ASAP2: variants seen among roughly 807,000 people sequenced by gnomAD.
ASAP2 encodes the protein ArfGAP with SH3 domain, ankyrin repeat and PH domain 2, also known as arf-GAP with SH3 domain, ANK repeat and PH domain-containing protein 2.
ASAP2 carries 45 observed loss-of-function variants against 131.4 expected under a neutral mutation model. The ratio of observed to expected loss-of-function variants is 0.34; its 90% confidence interval spans 0.27 to 0.44. The LOEUF (loss-of-function observed/expected upper bound fraction) is 0.44. ASAP2 is among the 20% of genes least tolerant of loss of function. ASAP2 has a pLI of 1.00. For missense variants in ASAP2, 1,011 were observed against 1,297.0 expected (o/e 0.78, Z 3.39); for synonymous variants, 510 against 503.0 (o/e 1.01, Z -0.19).
At chr2:9,370,665 G>A (rs529301677) in intron 16 of ASAP2, among the ~76,000 whole-genome samples, 1 of 152,298 alleles carries the variant, frequency 6.6e-6, no homozygotes, top group East Asian at 1.9e-4. Flanking sequence ...CAGACATGTG[G>A]TGCTTAGTTT....
intron 1 of ASAP2, among the ~76,000 whole-genome samples, chr2:9,276,141 C>T (rs1414574728): frequency 6.6e-6 from 1 of 152,198 alleles, no homozygotes; most frequent in South Asian, 2.1e-4. Flanking sequence ...TTTTCCTCAC[C>T]ATTGTGTCAG....
At chr2:9,322,759 A>G (rs1047632023) in intron 5 of ASAP2, among the ~76,000 whole-genome samples, 1 of 152,192 alleles carries the variant, frequency 6.6e-6, no homozygotes, top group African/African-American at 2.4e-5. Context: ...GAGGAAGTCC[A>G]GGAGGAGAAA....
chr2:9,264,612 T>G (rs974029515), intron 1 of ASAP2, among the ~76,000 whole-genome samples: 3 of 152,160 alleles, frequency 2.0e-5, no homozygotes, highest in African/African-American at 7.2e-5. Flanking sequence ...TATATCCTTG[T>G]GGTAAAGTTT....
intron 2 of ASAP2, among the ~76,000 whole-genome samples, chr2:9,290,406 C>T (rs959489620): frequency 2.0e-5 from 3 of 152,012 alleles, no homozygotes. Context: ...GATTGGGTTT[C>T]GCCCTGTTGG....
chr2:9,207,354 C>T lies in ASAP2; in HGVS notation c.126+124C>T, dbSNP rs960252500. The T allele has an allele frequency of 3.8e-6, 5 of 1,322,640 alleles. No individual in the cohort carries two copies. In the African/African-American group the frequency reaches 6.2e-5, roughly 16 times the overall value. 81.9% of individuals were successfully genotyped at this position (1,322,640 alleles called of 1,614,324 possible). On this transcript the variant is annotated intron_variant, in intron 1 of 27. Coordinates refer to ENST00000281419, the MANE Select transcript of ASAP2 (RefSeq NM_003887.3). This position sits in a 1 kb window ranked among gnomAD's most constrained non-coding sequence, Gnocchi z 4.1. Reference sequence around the variant, plus strand: ...CGAAGCCGGACGCGGCCGGGCCAACCCTGCCCGAGACAGAAGCCCTTTGTT... The same window carrying T: ...CGAAGCCGGACGCGGCCGGGCCAACTCTGCCCGAGACAGAAGCCCTTTGTT...
chr2:9,338,150 G>A (rs1671342324), intron 9 of ASAP2, among the ~76,000 whole-genome samples: 1 of 152,196 alleles, frequency 6.6e-6, no homozygotes, highest in Non-Finnish European at 1.5e-5. Flanking sequence ...TCACTTGTGT[G>A]CAGGCTCTCT....
chr2:9,305,587 A>G (rs1668853984), intron 3 of ASAP2, among the ~76,000 whole-genome samples: 2 of 119,570 alleles, frequency 1.7e-5, no homozygotes, highest in South Asian at 3.1e-4. Context: ...AGGTATAGAT[A>G]TTGGAGGGTC....
In ASAP2 at chr2:9,311,906, G is replaced by C. The variant is rs1481293731; in HGVS notation, c.346-6618G>C. Among the ~76,000 whole-genome samples the C allele has an allele frequency of 6.6e-6, 1 of 152,256 alleles. No individual in the cohort carries two copies. The highest frequency in any genetic ancestry group is 1.9e-4 in the East Asian group (1 of 5,206). Reference sequence around the variant, plus strand: ...GTGCTGTGTGGATTGCATACACCAAGCATGGAAAGGCAGAGGCAAGCAGGC... The same window carrying C: ...GTGCTGTGTGGATTGCATACACCAACCATGGAAAGGCAGAGGCAAGCAGGC... On this transcript the variant is annotated intron_variant, in intron 3 of 27. Transcript: ENST00000281419. The surrounding 1 kb of genome is among the most constrained non-coding windows in gnomAD (Gnocchi z 5.2).
chr2:9,324,515 G>A lies in ASAP2; in HGVS notation c.600+1265G>A, dbSNP rs112147503. Among the ~76,000 whole-genome samples the A allele has an allele frequency of 2.9e-3, 447 of 152,278 alleles. 6 individuals are homozygous for A. Among genetic ancestry groups the A allele is most frequent in the African/African-American group, 0.01 (420 of 41,550 alleles). ...GGTGAGGACCTTCTTGCTGGTGGGCGCTCTGCAGAGTCCTAAGTCAGTGCA... is the reference window on the plus strand; with the variant it reads ...GGTGAGGACCTTCTTGCTGGTGGGCACTCTGCAGAGTCCTAAGTCAGTGCA... On this transcript the variant is annotated intron_variant, in intron 6 of 27. Transcript: ENST00000281419.
chr2:9,302,823 C>T (rs1001402699), intron 3 of ASAP2, among the ~76,000 whole-genome samples: 9 of 152,118 alleles, frequency 5.9e-5, no homozygotes, highest in Non-Finnish European at 1.3e-4. Context: ...GGTCAGAAGA[C>T]ATTATAGCTA....
At chr2:9,231,701 A>T (rs569129278) in intron 1 of ASAP2, among the ~76,000 whole-genome samples, 1 of 152,036 alleles carries the variant, frequency 6.6e-6, no homozygotes, top group Non-Finnish European at 1.5e-5. Flanking sequence ...TGGCATCTGC[A>T]TGCTGTGTTC....
intron 16 of ASAP2, among the ~76,000 whole-genome samples, chr2:9,369,941 G>A (rs55746439): frequency 0.013 from 1,974 of 152,142 alleles, 17 homozygotes; most frequent in Non-Finnish European, 0.019. Flanking sequence ...TCCTGGGTTC[G>A]AGTGATTCTC....
chr2:9,236,695 G>A (rs1432364686), intron 1 of ASAP2, among the ~76,000 whole-genome samples: 2 of 152,144 alleles, frequency 1.3e-5, no homozygotes, highest in African/African-American at 2.4e-5. Flanking sequence ...GTGGTTGTGT[G>A]TATGTATGAG....
chr2:9,374,363 G>C (rs557514368), intron 16 of ASAP2, among the ~76,000 whole-genome samples: 1 of 152,374 alleles, frequency 6.6e-6, no homozygotes, highest in African/African-American at 2.4e-5. Flanking sequence ...GTTGGCCAGG[G>C]CTGCATGGAG....
intron 1 of ASAP2, among the ~76,000 whole-genome samples, chr2:9,243,361 G>A (rs1391386552): frequency 2.0e-5 from 3 of 152,184 alleles, no homozygotes; most frequent in African/African-American, 7.2e-5. Context: ...ACCCACCTCG[G>A]CCTCGCAAAG....
At position 9,281,956 on chromosome 2, in the gene ASAP2, A is replaced by G. The variant is rs1295962106; in HGVS notation, c.199+2567A>G. 6.6e-6 allele frequency among the ~76,000 whole-genome samples: 1 copy of G among 152,170 alleles called. No homozygotes were observed. The highest frequency in any genetic ancestry group is 2.4e-5 in the African/African-American group (1 of 41,444). ...GGACTCCTCTGTGCCCTTCTTTGAAATAACTTGCAGTTTTCCCCAGAGAGC... is the reference window on the plus strand; with the variant it reads ...GGACTCCTCTGTGCCCTTCTTTGAAGTAACTTGCAGTTTTCCCCAGAGAGC... On this transcript the variant is annotated intron_variant, in intron 2 of 27. Transcript: ENST00000281419. The surrounding 1 kb of genome is among the most constrained non-coding windows in gnomAD (Gnocchi z 4.0).
intron 2 of ASAP2, among the ~76,000 whole-genome samples, chr2:9,291,279 T>C (rs1047087160): frequency 7.9e-5 from 12 of 152,218 alleles, no homozygotes; most frequent in Admixed American, 3.3e-4. Flanking sequence ...TGATACACAT[T>C]AGTAAATTGG....
intron 15 of ASAP2, among the ~76,000 whole-genome samples, chr2:9,360,946 G>GAAATTTC (rs1196933225): frequency 6.6e-6 from 1 of 152,156 alleles, no homozygotes; most frequent in Non-Finnish European, 1.5e-5. Context: ...ATGTGTCTCA[G>GAAATTTC]AAATTTCATG....
Position 9,265,165 on chromosome 2 carries a change from A to G in ASAP2, c.127-14152A>G, listed in dbSNP as rs544132670. ...AAATAAATAAATAATGAAAAATACA[A>G]ATTTTTAAAAATACAGTGTAACAAC... On this transcript the variant is annotated intron_variant, in intron 1 of 27. Transcript: ENST00000281419. 5.9e-5 allele frequency among the ~76,000 whole-genome samples: 9 copies of G among 152,330 alleles called. No homozygotes were observed. In the East Asian group the frequency reaches 1.2e-3, roughly 20 times the overall value.
Sources: gnomAD v4.1 joint callset for allele counts (sites outside exome capture counted in the v4.1 genomes callset) on GRCh38, gnomAD v4.1.1 for gene constraint, Gnocchi (gnomAD v3.1) non-coding constraint, MANE v1.5 for transcripts, NCBI Gene and HGNC (gene_info 2026-07-23, HGNC 2026-07-21) for gene names.